NBPF20: variants seen among roughly 807,000 people sequenced by gnomAD.
NBPF20 encodes the protein NBPF family member NBPF20.
NBPF20 carries 90 observed loss-of-function variants against 68.1 expected under a neutral mutation model. The ratio of observed to expected loss-of-function variants is 1.32; its 90% CI spans 1.11 to 1.58. The LOEUF (loss-of-function observed/expected upper bound fraction) is 1.58. Ranked by LOEUF, NBPF20 falls within the 40% of genes most tolerant of loss-of-function variation. The pLI, the probability that NBPF20 is intolerant of heterozygous loss-of-function variation, is 0.00. For missense variants in NBPF20, 816 were observed against 601.2 expected, an observed-to-expected ratio of 1.36 and a Z score of -3.74; for synonymous variants, 290 against 228.1, an observed-to-expected ratio of 1.27 and a Z score of -2.45.
At chr1:145,291,509 G>T (rs377304719) in exon 138 of NBPF20, 1 of 1,611,922 alleles carries the variant, frequency 6.2e-7, no homozygotes, top group Admixed American at 1.7e-5. Context: ...GACATCTCTC[G>T]GCTTAGTAAG....
At chr1:145,410,256 C>T (rs1553668669), upstream of NBPF20, among the ~76,000 whole-genome samples, 1 of 151,636 alleles carries the variant, frequency 6.6e-6, no homozygotes, top group Non-Finnish European at 1.5e-5. Flanking sequence ...ACTGATTGAT[C>T]TCCCTGATGA....
the NBPF20 span, among the ~76,000 whole-genome samples, chr1:145,410,700 A>ATG: frequency 1.8e-3 from 214 of 118,304 alleles, no homozygotes; most frequent in African/African-American, 4.2e-3. Context: ...ATATATATAT[A>ATG]TGTGTGTGTG....
rs1402096918 is a variant in NBPF20, at chr1:145,393,884, C to G, written c.1043G>C (p.Arg348Thr). The change falls in exon 9 of 138, where the codon AGG (arginine) becomes ACG (threonine). Residue 348 changes from arginine (R) to threonine (T), a missense_variant and splice_region_variant. Arg to Thr is a moderately conservative substitution (Grantham distance 71). Coordinates refer to ENST00000369373, the Ensembl canonical transcript of NBPF20. The stretch of plus-strand genomic sequence containing the variant: ...ACTCTCCACAATTTCTCAGACTCAC[C>G]TGGGACCTGTTGCCTCTTGGTCCTC... The G allele has an allele frequency of 3.9e-6, 6 of 1,547,976 alleles. No individual in the cohort carries two copies. In the African/African-American group the frequency reaches 4.1e-5, roughly 11 times the overall value.
At chr1:145,423,356 C>T in the NBPF20 span, among the ~76,000 whole-genome samples, 1 of 150,854 alleles carries the variant, frequency 6.6e-6, no homozygotes, top group South Asian at 2.1e-4. Context: ...GGAGGATCAC[C>T]TGAGCCTTGG....
the NBPF20 span, among the ~76,000 whole-genome samples, chr1:145,419,685 G>A: frequency 6.6e-6 from 1 of 152,018 alleles, no homozygotes; most frequent in Non-Finnish European, 1.5e-5. Flanking sequence ...GGCCACGTGA[G>A]AAGGATACAA....
chr1:145,298,436 G>C lies in NBPF20; in HGVS notation c.15684-302C>G, dbSNP rs1238911611. 2.9e-5 allele frequency among the ~76,000 whole-genome samples: 4 copies of C among 137,754 alleles called. No individual in the cohort carries two copies. The East Asian group carries it at 6.3e-4, about 22-fold the overall frequency. 90.4% of individuals were successfully genotyped at this position (137,754 alleles called of 152,430 possible). A position where few individuals can be genotyped will look rare whatever the true frequency, so the allele number is the denominator to read the frequency against. On this transcript the variant is annotated intron_variant, in intron 129 of 137. Coordinates refer to ENST00000369373, the Ensembl canonical transcript of NBPF20. Reference sequence around the variant, plus strand: ...AATTGTCCAGGTGACACACTGATGAGGGAGTAACAGGACACTCTGAGTTAG... The same window carrying C: ...AATTGTCCAGGTGACACACTGATGACGGAGTAACAGGACACTCTGAGTTAG...
chr1:145,394,773 A>G (rs1662136253), intron 8 of NBPF20, among the ~76,000 whole-genome samples: 3 of 152,126 alleles, frequency 2.0e-5, no homozygotes, highest in South Asian at 4.1e-4. Context: ...ATGGCCTGAG[A>G]CTAGGAAGAG....
chr1:145,393,765 C>T (rs2101534336), intron 9 of NBPF20, 119 bp downstream of exon 14: 18 of 1,499,658 alleles, frequency 1.2e-5, no homozygotes, highest in South Asian at 9.0e-5. Context: ...ATGTAGTAGG[C>T]ATAATTCAGA....
In NBPF20 at chr1:145,291,398, A is replaced by T. The variant is rs1315944722; in HGVS notation, c.*128T>A. 18 of 1,590,752 alleles carry T rather than the reference A, an allele frequency of 1.1e-5. 1 individual carries two copies. The African/African-American group carries it at 2.3e-4, about 20-fold the overall frequency. On this transcript the variant is annotated 3_prime_UTR_variant, in exon 138 of 138. Coordinates refer to ENST00000369373, the Ensembl canonical transcript of NBPF20. ...GCCACTGGCATGGTTTGAGAATAGG[A>T]ATACAGCCATGCCCACTGACCCATC...
At chr1:145,377,638 G>T (rs1225617124) in intron 29 of NBPF20, among the ~76,000 whole-genome samples, 200 bp from the exon 35 acceptor site, 3 of 142,350 alleles carry the variant, frequency 2.1e-5, no homozygotes, top group Non-Finnish European at 4.6e-5. Context: ...CAGGGAGAGG[G>T]AGGGAGAGAG....
chr1:145,291,655 G>C lies in NBPF20; in HGVS notation c.16812C>G (p.Tyr5604Ter), dbSNP rs587668407. Reference sequence around the variant, plus strand: ...CCTCAAATGAGTAAAACACACTTCTGTAGTGCTGGAATGAGTCAGGTAGTT... The same window carrying C: ...CCTCAAATGAGTAAAACACACTTCTCTAGTGCTGGAATGAGTCAGGTAGTT... Residue 5604 changes from tyrosine (Y) to a stop codon, truncating the protein, a stop_gained, in exon 138 of 138, where the codon TAC (tyrosine) becomes TAG (stop). Coordinates refer to ENST00000369373, the Ensembl canonical transcript of NBPF20. LOFTEE classifies it high-confidence loss of function. The C allele has an allele frequency of 1.8e-4, 292 of 1,611,962 alleles. No individual in the cohort carries two copies. The African/African-American group carries it at 3.2e-3, about 18-fold the overall frequency.
exon 138 of NBPF20, chr1:145,291,751 C>A (rs369725489): frequency 8.7e-6 from 14 of 1,611,946 alleles, no homozygotes; most frequent in Admixed American, 1.7e-5. Context: ...CTTCCACTTC[C>A]ATCAGCACGC....
exon 138 of NBPF20, chr1:145,291,443 T>C (rs587765973): frequency 2.5e-6 from 4 of 1,611,380 alleles, no homozygotes; most frequent in South Asian, 2.2e-5. Context: ...GGCTTCCAAA[T>C]GGAACTGTAC....
At chr1:145,402,420 G>A in intron 3 of NBPF20, 39 bp from the exon 9 acceptor site, 1 of 1,604,518 alleles carries the variant, frequency 6.2e-7, no homozygotes, top group Non-Finnish European at 8.5e-7. Flanking sequence ...GAGTGGAAAG[G>A]TTCAGTGATC....
Position 145,405,196 on chromosome 1 carries a change from G to A in NBPF20, c.77C>T (p.Pro26Leu), listed in dbSNP as rs781848411. ...CTGCTGTTTGTTCTCTGCCAACTGG[G>A]GGCGCAATTTCTCGTTGATTTCTAG... is the stretch of plus-strand genomic sequence containing the variant. The change falls in exon 2 of 138, where the codon CCC becomes CTC. Residue 26 changes from proline to leucine, a missense_variant. Coordinates refer to ENST00000369373, the Ensembl canonical transcript of NBPF20. 6.2e-6 allele frequency: 10 copies of A among 1,612,608 alleles called. No individual in the cohort carries two copies. The East Asian group carries it at 1.6e-4, about 25-fold the overall frequency.
intron 2 of NBPF20, among the ~76,000 whole-genome samples, chr1:145,403,740 GA>G (rs1485442157): frequency 6.6e-6 from 1 of 151,760 alleles, no homozygotes; most frequent in African/African-American, 2.4e-5. Context: ...CTTTTACTGG[GA>G]ATTTCAAGGA....
At chr1:145,338,144 C>T (rs1661591800) in intron 79 of NBPF20, among the ~76,000 whole-genome samples, 1 of 16,450 alleles carries the variant, frequency 6.1e-5, no homozygotes, top group Non-Finnish European at 1.0e-4. Flanking sequence ...TCAGGACACA[C>T]AGCATACAGG....
At chr1:145,421,953 G>A in the NBPF20 span, among the ~76,000 whole-genome samples, 2 of 152,012 alleles carry the variant, frequency 1.3e-5, no homozygotes, top group African/African-American at 4.8e-5. Context: ...TGGGCAGACT[G>A]CTTGAGCCTG....
At chr1:145,311,880 G>C (rs1445789628) in intron 112 of NBPF20, among the ~76,000 whole-genome samples, 4 of 112,526 alleles carry the variant, frequency 3.6e-5, no homozygotes, top group Admixed American at 8.4e-5. Flanking sequence ...GCTGAAATTA[G>C]AGTGAAGGAT....
Sources: gnomAD v4.1 joint callset for allele counts (sites outside exome capture counted in the v4.1 genomes callset) on GRCh38, gnomAD v4.1.1 for gene constraint, MANE v1.5 for transcripts, NCBI Gene and HGNC (gene_info 2026-07-23, HGNC 2026-07-21) for gene names.